The following CDK15 variants were observed in gnomAD, a reference collection of about 807,000 sequenced individuals.
CDK15 encodes the protein cyclin-dependent kinase 15.
A neutral mutation model predicts 60.3 loss-of-function variants in CDK15; 62 were observed. The observed-to-expected ratio is 1.03, with a 90% CI of 0.84 to 1.27. The LOEUF is 1.27. Among genes scored for constraint, CDK15 ranks in the 50% most tolerant of loss-of-function variants. CDK15 has a pLI of 0.00. For missense variants in CDK15, 541 were observed against 527.8 expected, an observed-to-expected ratio of 1.03 and a Z score of -0.25; for synonymous variants, 194 against 195.7, an observed-to-expected ratio of 0.99 and a Z score of 0.07.
chr2:201,854,953 G>T lies in CDK15; in HGVS notation c.1009+16G>T. 1.1e-5 allele frequency: 17 copies of T among 1,612,028 alleles called. No homozygotes were observed. Among genetic ancestry groups the T allele is most frequent in the Non-Finnish European group, 1.4e-5 (17 of 1,178,182 alleles). On this transcript the variant is annotated intron_variant, in intron 10 of 13. Coordinates refer to ENST00000652192, the MANE Select transcript of CDK15 (RefSeq NM_001366386.2). Reference sequence around the variant, plus strand: ...TACAATCCAGGTAATATTGATCTGAGCTTCTGAATACTCTGAGAATTAGTA... The same window carrying T: ...TACAATCCAGGTAATATTGATCTGATCTTCTGAATACTCTGAGAATTAGTA...
intron 11 of CDK15, among the ~76,000 whole-genome samples, chr2:201,872,654 T>C (rs1391342902): frequency 5.4e-5 from 8 of 149,012 alleles, no homozygotes; most frequent in African/African-American, 1.5e-4. Flanking sequence ...AATAACATCA[T>C]TGAGTGGCTA....
At chr2:201,835,996 A>ATATT (rs1559125943) in intron 8 of CDK15, among the ~76,000 whole-genome samples, 18 of 7,540 alleles carry the variant, frequency 2.4e-3, no homozygotes, top group East Asian at 0.021. Context: ...ATATATTTAT[A>ATATT]TATATTTATA....
chr2:201,857,805 TA>T (rs575642043), intron 10 of CDK15, among the ~76,000 whole-genome samples: 203 of 152,292 alleles, frequency 1.3e-3, no homozygotes, highest in African/African-American at 4.7e-3. Context: ...AACATCCTCT[TA>T]CGTGAGTCAA....
chr2:201,881,575 ATG>A (rs1699279509), intron 12 of CDK15, among the ~76,000 whole-genome samples: 1 of 152,186 alleles, frequency 6.6e-6, no homozygotes, highest in African/African-American at 2.4e-5. Flanking sequence ...TGCAGAGACT[ATG>A]TGTGTGTTGA....
At chr2:201,844,872 G>A (rs1697575296) in intron 8 of CDK15, among the ~76,000 whole-genome samples, 1 of 151,906 alleles carries the variant, frequency 6.6e-6, no homozygotes, top group African/African-American at 2.4e-5. Context: ...AATAAGGCCG[G>A]GTGTGGTGGC....
intron 1 of CDK15, among the ~76,000 whole-genome samples, chr2:201,807,017 GC>G (rs1342411937): frequency 3.9e-5 from 6 of 152,276 alleles, no homozygotes; most frequent in African/African-American, 1.4e-4. Flanking sequence ...AACTCACTTG[GC>G]TTGAAGTCGA....
chr2:201,836,894 T>C (rs1697118374), intron 8 of CDK15, among the ~76,000 whole-genome samples: 1 of 152,058 alleles, frequency 6.6e-6, no homozygotes, highest in South Asian at 2.1e-4. Flanking sequence ...TCTGTTATCT[T>C]GAAAAAGTCA....
chr2:201,835,383 G>A (rs899593256), intron 7 of CDK15, among the ~76,000 whole-genome samples: 18 of 152,134 alleles, frequency 1.2e-4, no homozygotes, highest in African/African-American at 4.1e-4. Context: ...CATCACCTCT[G>A]TTCATATCAT....
intron 10 of CDK15, among the ~76,000 whole-genome samples, chr2:201,858,256 T>C (rs1315848049): frequency 6.6e-6 from 1 of 152,226 alleles, no homozygotes; most frequent in Non-Finnish European, 1.5e-5. Flanking sequence ...GTAAGTTTTC[T>C]AGCCATCAAT....
chr2:201,883,567 G>A (rs979497013), intron 12 of CDK15, among the ~76,000 whole-genome samples: 1 of 152,212 alleles, frequency 6.6e-6, no homozygotes, highest in African/African-American at 2.4e-5. Flanking sequence ...GGAAAAGTGT[G>A]AATATTAGAA....
At chr2:201,843,662 C>T (rs866478161) in intron 8 of CDK15, among the ~76,000 whole-genome samples, 2 of 151,834 alleles carry the variant, frequency 1.3e-5, no homozygotes, top group African/African-American at 2.4e-5. Flanking sequence ...TGTGCATGTG[C>T]GTGTATATAA....
chr2:201,874,707 A>C (rs1406020627), intron 11 of CDK15, among the ~76,000 whole-genome samples: 1 of 152,106 alleles, frequency 6.6e-6, no homozygotes, highest in Non-Finnish European at 1.5e-5. Context: ...TTGAGGTTTG[A>C]TGGTGATCTC....
chr2:201,838,889 C>T (rs1482856253), intron 8 of CDK15, among the ~76,000 whole-genome samples: 7 of 151,918 alleles, frequency 4.6e-5, no homozygotes, highest in African/African-American at 1.7e-4. Context: ...TAAAAATAAT[C>T]CTTTTACATT....
intron 8 of CDK15, among the ~76,000 whole-genome samples, chr2:201,845,836 A>T (rs1697630672): frequency 7.4e-6 from 1 of 134,950 alleles, no homozygotes; most frequent in African/African-American, 3.2e-5. Context: ...TTTGCGGTTA[A>T]AAAAAAAAAA....
chr2:201,879,968 C>G lies in CDK15; in HGVS notation c.1059-60C>G, dbSNP rs553475647. The G allele has an allele frequency of 1.1e-5, 17 of 1,581,126 alleles. No homozygotes were observed. In the East Asian group the frequency reaches 3.2e-4, roughly 29 times the overall value. On this transcript the variant is annotated intron_variant, in intron 11 of 13. Coordinates refer to ENST00000652192, the MANE Select transcript of CDK15 (RefSeq NM_001366386.2). The stretch of plus-strand genomic sequence containing the variant: ...TTTTCTTTACTTTTTGTTTTTATCC[C>G]TTTGTTTTTCAGAAGGGAGGCTGCT...
intron 6 of CDK15, among the ~76,000 whole-genome samples, chr2:201,826,183 G>A (rs553560352): frequency 8.5e-5 from 13 of 152,270 alleles, no homozygotes; most frequent in South Asian, 2.1e-4. Context: ...CAGATCGGCC[G>A]GGCGCAGTGG....
chr2:201,846,846 G>A (rs761802674), intron 8 of CDK15, among the ~76,000 whole-genome samples: 3 of 152,088 alleles, frequency 2.0e-5, no homozygotes, highest in African/African-American at 4.8e-5. Flanking sequence ...TAGGAATACC[G>A]AAACCAATTT....
At chr2:201,820,917 A>G (rs1696193800) in intron 4 of CDK15, among the ~76,000 whole-genome samples, 1 of 152,240 alleles carries the variant, frequency 6.6e-6, no homozygotes, top group Non-Finnish European at 1.5e-5. Context: ...TAAGGTTAAC[A>G]GGTGTGATGG....
chr2:201,838,964 C>T (rs1196225116), intron 8 of CDK15, among the ~76,000 whole-genome samples: 1 of 151,136 alleles, frequency 6.6e-6, no homozygotes, highest in African/African-American at 2.4e-5. Context: ...TTTTTTGAGA[C>T]GGAGTCTCGC....
Sources: gnomAD v4.1 joint callset for allele counts (sites outside exome capture counted in the v4.1 genomes callset) on GRCh38, gnomAD v4.1.1 for gene constraint, MANE v1.5 for transcripts, NCBI Gene and HGNC (gene_info 2026-07-23, HGNC 2026-07-21) for gene names.